Variants in PSD3 observed in about 807,000 individuals in gnomAD.
PSD3 encodes the protein PH and SEC7 domain-containing protein 3.
In PSD3, 49 loss-of-function variants were observed where a neutral mutation model predicts 105.5. The ratio of observed to expected loss-of-function variants is 0.46; its 90% confidence interval spans 0.37 to 0.59. The LOEUF is 0.59. PSD3 is among the 20% of genes least tolerant of loss of function. The pLI is 0.00. For synonymous variants in PSD3, 557 were observed against 457.8 expected (o/e 1.22, Z -2.77); for missense variants, 1,561 against 1,263.8 (o/e 1.24, Z -3.57).
chr8:18,982,659 G>T (rs1395738847), intron 1 of PSD3, among the ~76,000 whole-genome samples: 1 of 152,176 alleles, frequency 6.6e-6, no homozygotes, highest in Non-Finnish European at 1.5e-5. Flanking sequence ...GCGCTCTTGG[G>T]TGACTAGGTG....
At chr8:18,916,378 A>AAACAC (rs1820608048) in intron 2 of PSD3, among the ~76,000 whole-genome samples, 1 of 84,072 alleles carries the variant, frequency 1.2e-5, no homozygotes, top group African/African-American at 4.6e-5. Context: ...ACACACACAC[A>AAACAC]AACAGAATAC....
chr8:19,023,405 T>TTATA (rs1164659407), intron 1 of PSD3, among the ~76,000 whole-genome samples: 2 of 105,852 alleles, frequency 1.9e-5, no homozygotes, highest in Non-Finnish European at 4.0e-5. Context: ...ATTTATTTAT[T>TTATA]TATTTATTTA....
At chr8:19,034,140 G>A (rs1331818455) in intron 1 of PSD3, among the ~76,000 whole-genome samples, 2 of 152,146 alleles carry the variant, frequency 1.3e-5, no homozygotes, top group Non-Finnish European at 2.9e-5. Flanking sequence ...GGCAGAGACT[G>A]GGGCGTCAGA....
At position 18,616,418 on chromosome 8, in the gene PSD3, T is replaced by A. The variant is rs150428085; in HGVS notation, c.2411-15984A>T. 3.1e-3 allele frequency among the ~76,000 whole-genome samples: 468 copies of A among 152,324 alleles called. 1 individual carries two copies. Among genetic ancestry groups the A allele is most frequent in the African/African-American group, 0.011 (447 of 41,588 alleles). ...TTGCATCTGTGGAGAGAATCTGTATTGATGGTGGCCAGGCATTCTCCGAGG... is the reference window on the plus strand; with the variant it reads ...TTGCATCTGTGGAGAGAATCTGTATAGATGGTGGCCAGGCATTCTCCGAGG... On this transcript the variant is annotated intron_variant, in intron 11 of 15. Coordinates refer to ENST00000327040, the MANE Select transcript of PSD3 (RefSeq NM_015310.4).
intron 10 of PSD3, among the ~76,000 whole-genome samples, chr8:18,654,444 C>T (rs888741380): frequency 2.0e-5 from 3 of 152,104 alleles, no homozygotes; most frequent in Non-Finnish European, 4.4e-5. Context: ...ATAAAATCCA[C>T]GAAGTTCTAA....
intron 11 of PSD3, among the ~76,000 whole-genome samples, chr8:18,614,278 T>C (rs1805486490): frequency 6.6e-6 from 1 of 152,146 alleles, no homozygotes; most frequent in African/African-American, 2.4e-5. Flanking sequence ...GAATAAAACC[T>C]TGAAGGCAAG....
intron 1 of PSD3, among the ~76,000 whole-genome samples, chr8:19,069,266 C>T (rs190827232): frequency 1.1e-3 from 167 of 152,198 alleles, no homozygotes; most frequent in African/African-American, 3.7e-3. Flanking sequence ...AAATCTTATT[C>T]GGGCTGTGGG....
chr8:18,641,139 T>G (rs1050692077), intron 10 of PSD3, among the ~76,000 whole-genome samples: 1 of 152,050 alleles, frequency 6.6e-6, no homozygotes, highest in Admixed American at 6.6e-5. Context: ...TACAGAAGGG[T>G]AGGGGTTATA....
At chr8:18,875,718 T>C (rs1354062326) in intron 2 of PSD3, among the ~76,000 whole-genome samples, 3 of 152,212 alleles carry the variant, frequency 2.0e-5, no homozygotes, top group South Asian at 4.2e-4. Flanking sequence ...TGTATTTTTT[T>C]AGTAGAGACG....
chr8:18,644,220 T>G (rs1245810775), intron 10 of PSD3, among the ~76,000 whole-genome samples: 1 of 152,260 alleles, frequency 6.6e-6, no homozygotes, highest in Non-Finnish European at 1.5e-5. Context: ...TGCTTTATCA[T>G]TCTTTGTAAG....
chr8:18,617,870 T>G (rs1166243471), intron 11 of PSD3, among the ~76,000 whole-genome samples: 2 of 152,130 alleles, frequency 1.3e-5, no homozygotes, highest in Admixed American at 1.3e-4. Flanking sequence ...GAAATCAAAG[T>G]ATTGTACCCC....
At chr8:18,850,349 C>T (rs181509070) in intron 4 of PSD3, among the ~76,000 whole-genome samples, 475 of 152,358 alleles carry the variant, frequency 3.1e-3, no homozygotes, top group African/African-American at 0.011. Flanking sequence ...CTTTCAGGTA[C>T]TCACAGCTCC....
chr8:19,062,301 T>C (rs942551553), intron 1 of PSD3, among the ~76,000 whole-genome samples: 3 of 152,166 alleles, frequency 2.0e-5, no homozygotes, highest in Non-Finnish European at 4.4e-5. Context: ...AGACTGGTGT[T>C]CCTCTCAGTG....
intron 9 of PSD3, among the ~76,000 whole-genome samples, chr8:18,745,024 G>A (rs182143182): frequency 6.6e-6 from 1 of 152,314 alleles, no homozygotes; most frequent in East Asian, 1.9e-4. Context: ...GAGAAGTGAT[G>A]TTAAGTGATG....
At position 19,007,230 on chromosome 8, in the gene PSD3, C is replaced by T. The variant is rs146701009; in HGVS notation, c.21+6333G>A. Among the ~76,000 whole-genome samples, 1,003 of 148,840 alleles carry T rather than the reference C, an allele frequency of 6.7e-3. 16 individuals are homozygous for T. Among genetic ancestry groups the T allele is most frequent in the African/African-American group, 0.023 (953 of 40,934 alleles). ...TCTTGCCACTGCACTCCAGCCTTGG[C>T]GACAGAGTGAGACCCTGTCTCAAAA... On this transcript the variant is annotated intron_variant, in intron 1 of 15. Coordinates refer to ENST00000327040, the MANE Select transcript of PSD3 (RefSeq NM_015310.4).
At chr8:18,879,333 G>T (rs1042289184) in intron 2 of PSD3, among the ~76,000 whole-genome samples, 20 of 152,174 alleles carry the variant, frequency 1.3e-4, no homozygotes, top group African/African-American at 4.8e-4. Flanking sequence ...CTGCGTGACA[G>T]ATTGCTTGCT....
intron 2 of PSD3, among the ~76,000 whole-genome samples, chr8:18,901,947 GT>G (rs1198609829): frequency 6.6e-6 from 1 of 151,554 alleles, no homozygotes; most frequent in African/African-American, 2.4e-5. Flanking sequence ...CTCTTTTTCT[GT>G]TTTTAGAATT....
chr8:18,978,709 G>C (rs767487096), intron 1 of PSD3, among the ~76,000 whole-genome samples: 3 of 152,196 alleles, frequency 2.0e-5, no homozygotes, highest in Non-Finnish European at 4.4e-5. Context: ...TGATGCAGCA[G>C]ACACTGCTTC....
At chr8:18,893,756 G>C (rs1387871069) in intron 2 of PSD3, among the ~76,000 whole-genome samples, 1 of 152,162 alleles carries the variant, frequency 6.6e-6, no homozygotes, top group Non-Finnish European at 1.5e-5. Context: ...CTAAAGGAAA[G>C]GCAGGGTAAA....
Sources: gnomAD v4.1 joint callset for allele counts (sites outside exome capture counted in the v4.1 genomes callset) on GRCh38, gnomAD v4.1.1 for gene constraint, MANE v1.5 for transcripts, NCBI Gene and HGNC (gene_info 2026-07-23, HGNC 2026-07-21) for gene names.